The following KIAA0232 variants were observed in gnomAD, a reference collection of about 807,000 sequenced individuals.
KIAA0232 encodes the protein KIAA0232.
A neutral mutation model predicts 122.0 loss-of-function variants in KIAA0232; 27 were observed. The observed-to-expected ratio is 0.22, with a 90% CI of 0.16 to 0.31. The LOEUF is 0.31. Among genes scored for constraint, KIAA0232 ranks in the 10% least tolerant of loss-of-function variants. The pLI, the probability that KIAA0232 is intolerant of heterozygous loss-of-function variation, is 1.00. For synonymous variants in KIAA0232, 613 were observed against 587.6 expected (o/e 1.04, Z -0.63); for missense variants, 1,551 against 1,634.2 (o/e 0.95, Z 0.88).
At chr4:6,850,108 G>C (rs2108763798) in intron 4 of KIAA0232, among the ~76,000 whole-genome samples, 1 of 152,352 alleles carries the variant, frequency 6.6e-6, no homozygotes, top group East Asian at 1.9e-4. Context: ...AGACACAGAA[G>C]TGGAAGGGGC....
rs1301188391 is a variant in KIAA0232, at chr4:6,871,553, T to G, written c.3802-21T>G. The G allele has an allele frequency of 3.0e-6, 4 of 1,343,670 alleles. No individual in the cohort carries two copies. The African/African-American group carries it at 5.9e-5, about 20-fold the overall frequency. The allele number at this position is 1,343,670 out of a possible 1,614,324, so 83.2% of individuals were successfully genotyped here. A position where few individuals can be genotyped will look rare whatever the true frequency, so the allele number is the denominator to read the frequency against. On this transcript the variant is annotated intron_variant, in intron 7 of 9. Coordinates refer to ENST00000307659, the MANE Select transcript of KIAA0232 (RefSeq NM_014743.3). ...CCTGAAAGTTTATAAACTTTTTCTG[T>G]ATTTGGTTTAATCTAAACAGTTCCC... is the stretch of plus-strand genomic sequence containing the variant.
chr4:6,880,254 T>C (rs113307309), intron 9 of KIAA0232, among the ~76,000 whole-genome samples: 10 of 60,788 alleles, frequency 1.6e-4, no homozygotes, highest in African/African-American at 4.3e-4. Flanking sequence ...GTCTGCAGTG[T>C]CCCCTCACCA....
At chr4:6,798,811 C>T (rs1375629681) in intron 1 of KIAA0232, among the ~76,000 whole-genome samples, 3 of 152,232 alleles carry the variant, frequency 2.0e-5, no homozygotes, top group African/African-American at 4.8e-5. Flanking sequence ...CTCAGCCTCC[C>T]AAAGTGCTGG....
rs73796359 is a variant in KIAA0232, at chr4:6,862,015, A to G, written c.1633A>G (p.Thr545Ala). 527 of 1,614,244 alleles carry G rather than the reference A, an allele frequency of 3.3e-4. No individual in the cohort carries two copies. The African/African-American group carries it at 3.3e-3, about 10-fold the overall frequency. The change falls in exon 7 of 10, where the codon ACA becomes GCA. Residue 545 changes from threonine to alanine, a missense_variant. Transcript: ENST00000307659. ...GATTCGACAGAAAAGCAAAGAGAACACAGATTTTGAGGCAGAATGTTGCAT... is the reference window on the plus strand; with the variant it reads ...GATTCGACAGAAAAGCAAAGAGAACGCAGATTTTGAGGCAGAATGTTGCAT... Reference protein sequence around the residue: ...NMIRQKSKENTDFEAECCIVL... With the variant: ...NMIRQKSKENADFEAECCIVL...
intron 2 of KIAA0232, among the ~76,000 whole-genome samples, chr4:6,818,231 T>C (rs936317260): frequency 6.6e-6 from 1 of 151,624 alleles, no homozygotes; most frequent in Non-Finnish European, 1.5e-5. Context: ...TGAAACCCCG[T>C]CTCTACTAAA....
intron 1 of KIAA0232, among the ~76,000 whole-genome samples, chr4:6,799,844 G>C (rs1373293162): frequency 6.6e-6 from 1 of 151,480 alleles, no homozygotes; most frequent in African/African-American, 2.4e-5. Flanking sequence ...ACAGGTGCCC[G>C]CCACCACTCC....
At chr4:6,828,795 G>A (rs945435557) in intron 3 of KIAA0232, among the ~76,000 whole-genome samples, 5 of 152,142 alleles carry the variant, frequency 3.3e-5, no homozygotes, top group African/African-American at 7.2e-5. Context: ...CTTTATTTCT[G>A]TCTTCTCTTC....
At chr4:6,850,618 C>T (rs1720225066) in intron 4 of KIAA0232, among the ~76,000 whole-genome samples, 1 of 151,774 alleles carries the variant, frequency 6.6e-6, no homozygotes, top group African/African-American at 2.4e-5. Flanking sequence ...GGTAATGGGC[C>T]TTTCAATTGC....
chr4:6,863,087 A>C lies in KIAA0232; in HGVS notation c.2705A>C (p.Glu902Ala), dbSNP rs200090538. 389 of 1,614,254 alleles carry C rather than the reference A, an allele frequency of 2.4e-4. No individual in the cohort carries two copies. The highest frequency in any genetic ancestry group is 3.1e-4 in the Non-Finnish European group (363 of 1,180,056). The part of the protein sequence containing the change: ...SLEKRAFASS[E>A]LSNVDGGDYT... ...GAGAAAAGAGCATTTGCTTCTAGTG[A>C]GCTATCAAACGTGGATGGTGGTGAT... is the stretch of plus-strand genomic sequence containing the variant. The change falls in exon 7 of 10, where the codon GAG becomes GCG. Residue 902 changes from glutamate to alanine, a missense_variant. Physicochemically the swap from Glu to Ala is moderately radical, Grantham distance 107. Transcript: ENST00000307659.
chr4:6,819,328 A>G (rs1718306033), intron 2 of KIAA0232, among the ~76,000 whole-genome samples: 2 of 152,204 alleles, frequency 1.3e-5, no homozygotes, highest in African/African-American at 4.8e-5. Flanking sequence ...GACCACCTAC[A>G]GAATAGGAGA....
intron 1 of KIAA0232, among the ~76,000 whole-genome samples, chr4:6,801,050 T>C (rs1717364291): frequency 6.6e-6 from 1 of 152,196 alleles, no homozygotes; most frequent in South Asian, 2.1e-4. Flanking sequence ...GGAAATTAAG[T>C]TCAGCAGCTG....
chr4:6,865,957 C>T (rs906525911), intron 7 of KIAA0232, among the ~76,000 whole-genome samples: 2 of 152,148 alleles, frequency 1.3e-5, no homozygotes, highest in Non-Finnish European at 2.9e-5. Flanking sequence ...TTATTTGTCG[C>T]ATCAGAGTGC....
rs1242699259 is a variant in KIAA0232, at chr4:6,861,279, C to T, written c.897C>T (p.Ser299=). The change falls in exon 7 of 10, where the codon TCC becomes TCT. Residue 299 remains serine (S), a synonymous_variant. Transcript: ENST00000307659. ...GCTCCAGTGAAGCAGGCTCAAGTTCCAGTGGGAATCAGGGAGAATTAAAAG... is the reference window on the plus strand; with the variant it reads ...GCTCCAGTGAAGCAGGCTCAAGTTCTAGTGGGAATCAGGGAGAATTAAAAG... ...SSGSSEAGSS[S]SGNQGELKAS... is the part of the protein sequence containing the mutation. 6.2e-7 allele frequency: 1 copy of T among 1,614,090 alleles called. No homozygotes were observed. Among genetic ancestry groups the T allele is most frequent in the South Asian group, 1.1e-5 (1 of 91,080 alleles).
At chr4:6,864,287 T>C (rs899449617) in intron 7 of KIAA0232, 104 bp downstream of exon 7, 2 of 1,269,918 alleles carry the variant, frequency 1.6e-6, no homozygotes, top group Non-Finnish European at 1.1e-6. Context: ...ATTGGGAAAT[T>C]AGCTTAAATG....
chr4:6,831,294 T>C (rs1718963667), intron 3 of KIAA0232, among the ~76,000 whole-genome samples: 1 of 152,160 alleles, frequency 6.6e-6, no homozygotes, highest in South Asian at 2.1e-4. Flanking sequence ...GACCTCGTGA[T>C]CCGCCCGCCT....
intron 2 of KIAA0232, among the ~76,000 whole-genome samples, chr4:6,819,435 G>A (rs984366522): frequency 6.6e-6 from 1 of 152,046 alleles, no homozygotes; most frequent in Non-Finnish European, 1.5e-5. Context: ...CCACTAAAAA[G>A]TGGGCAAAAG....
At chr4:6,839,061 G>A (rs1386464949) in intron 3 of KIAA0232, among the ~76,000 whole-genome samples, 3 of 152,120 alleles carry the variant, frequency 2.0e-5, no homozygotes, top group Non-Finnish European at 4.4e-5. Flanking sequence ...AGGAGGCAGA[G>A]GTTGCAATGA....
chr4:6,852,755 GC>G (rs1448545898), intron 4 of KIAA0232, among the ~76,000 whole-genome samples: 1 of 152,244 alleles, frequency 6.6e-6, no homozygotes, highest in African/African-American at 2.4e-5. Flanking sequence ...GTCTGTGATG[GC>G]AGGTGGAGCT....
chr4:6,859,383 T>C (rs1296443970), intron 6 of KIAA0232, among the ~76,000 whole-genome samples: 1 of 152,190 alleles, frequency 6.6e-6, no homozygotes, highest in Non-Finnish European at 1.5e-5. Flanking sequence ...ACCTGTATTA[T>C]CCAGCACAGA....
Sources: gnomAD v4.1 joint callset for allele counts (sites outside exome capture counted in the v4.1 genomes callset) on GRCh38, gnomAD v4.1.1 for gene constraint, MANE v1.5 for transcripts, NCBI Gene and HGNC (gene_info 2026-07-23, HGNC 2026-07-21) for gene names.